Variants in ZNF254 observed in about 807,000 individuals in gnomAD.
The protein encoded by ZNF254 is CTD-2017D11.1.
In ZNF254, 10 loss-of-function variants were observed where a neutral mutation model predicts 12.4. That is an observed-to-expected ratio of 0.80 (90% CI 0.50 to 1.36). ZNF254 has a LOEUF of 1.36. Among genes scored for constraint, ZNF254 ranks in the 40% most tolerant of loss-of-function variants. The pLI is 0.00. For synonymous variants in ZNF254, 305 were observed against 253.4 expected (o/e 1.20, Z -1.93); for missense variants, 996 against 763.9 (o/e 1.30, Z -3.58).
chr19:24,096,449 T>G (rs1369121446), intron 1 of ZNF254, among the ~76,000 whole-genome samples: 2 of 152,212 alleles, frequency 1.3e-5, no homozygotes, highest in Non-Finnish European at 2.9e-5. Context: ...TGCAGGTTGT[T>G]TAATTTTTAT....
chr19:24,098,255 A>T (rs1972787550), intron 1 of ZNF254, among the ~76,000 whole-genome samples: 1 of 152,232 alleles, frequency 6.6e-6, no homozygotes, highest in Non-Finnish European at 1.5e-5. Flanking sequence ...GATAATTATA[A>T]GTAAGCATAA....
chr19:24,077,866 A>T (rs1971713624), intron 2 of ZNF254, among the ~76,000 whole-genome samples: 1 of 152,030 alleles, frequency 6.6e-6, no homozygotes, highest in African/African-American at 2.4e-5. Context: ...ATTCTTGTGG[A>T]TTGCCAAGTT....
chr19:24,076,995 T>A (rs530917099), intron 2 of ZNF254, among the ~76,000 whole-genome samples: 1 of 152,316 alleles, frequency 6.6e-6, no homozygotes, highest in East Asian at 1.9e-4. Flanking sequence ...AGTGAATAGA[T>A]GACAGACAGA....
chr19:24,060,809 C>A (rs1452267986), intron 2 of ZNF254, among the ~76,000 whole-genome samples: 1 of 152,190 alleles, frequency 6.6e-6, no homozygotes, highest in Non-Finnish European at 1.5e-5. Flanking sequence ...TGATATGACT[C>A]CTTTCTTTTG....
intron 2 of ZNF254, chr19:24,049,362 A>G (rs941873808): frequency 2.0e-5 from 3 of 151,460 alleles, no homozygotes; most frequent in Non-Finnish European, 2.9e-5. Flanking sequence ...ATGCACCACC[A>G]TGCACAATCT....
intron 3 of ZNF254, chr19:24,107,434 A>G (rs946832707): frequency 5.2e-6 from 2 of 387,450 alleles, no homozygotes; most frequent in East Asian, 3.9e-5. Context: ...TTGTTCTAAA[A>G]TTGAGTATTT....
intron 2 of ZNF254, among the ~76,000 whole-genome samples, chr19:24,074,350 T>G (rs530496158): frequency 6.6e-6 from 1 of 152,234 alleles, no homozygotes; most frequent in African/African-American, 2.4e-5. Flanking sequence ...GACATACTGC[T>G]GGGCTAAACA....
chr19:24,077,466 C>T (rs888696451), intron 2 of ZNF254, among the ~76,000 whole-genome samples: 4 of 152,198 alleles, frequency 2.6e-5, no homozygotes, highest in African/African-American at 9.6e-5. Context: ...TTATCCACCA[C>T]CATTGCAGGG....
At chr19:24,120,357 A>T (rs1268734064) in intron 3 of ZNF254, among the ~76,000 whole-genome samples, 1 of 152,114 alleles carries the variant, frequency 6.6e-6, no homozygotes, top group Non-Finnish European at 1.5e-5. Context: ...AACATCTAAA[A>T]CTTAAAAATA....
chr19:24,051,817 G>A (rs1290231451), intron 2 of ZNF254, among the ~76,000 whole-genome samples: 2 of 152,160 alleles, frequency 1.3e-5, no homozygotes, highest in Non-Finnish European at 2.9e-5. Context: ...CCAGCACATA[G>A]GTGATGTGAC....
intron 3 of ZNF254, among the ~76,000 whole-genome samples, chr19:24,117,775 C>T (rs1018224868): frequency 3.9e-5 from 6 of 151,974 alleles, no homozygotes; most frequent in Non-Finnish European, 5.9e-5. Context: ...AGAAATCACC[C>T]GTCTTCTGCA....
At chr19:24,051,532 G>A (rs1350347695) in intron 2 of ZNF254, among the ~76,000 whole-genome samples, 2 of 152,178 alleles carry the variant, frequency 1.3e-5, no homozygotes, top group African/African-American at 4.8e-5. Flanking sequence ...TCCGGGTGAT[G>A]TGACTCTGCT....
At chr19:24,094,853 AT>A (rs1214814741) in intron 1 of ZNF254, among the ~76,000 whole-genome samples, 1 of 151,888 alleles carries the variant, frequency 6.6e-6, no homozygotes, top group African/African-American at 2.4e-5. Context: ...CACCTGGCTA[AT>A]TTTTATATTT....
At position 24,051,524 on chromosome 19, in the gene ZNF254, C is replaced by T. The variant is rs189663990; in HGVS notation, c.-94+5245C>T. ...GTGATATATTGCTGGGCCCAGAATC[C>T]GGGTGATGTGACTCTGCTGTTTCAT... On this transcript the variant is annotated intron_variant, in intron 2 of 4. Transcript: ENST00000613065. Among the ~76,000 whole-genome samples the T allele has an allele frequency of 1.7e-4, 26 of 152,186 alleles. No homozygotes were observed. In the East Asian group the frequency reaches 4.1e-3, roughly 24 times the overall value.
At chr19:24,086,681 TAGTC>T (rs1173208487), upstream of ZNF254, among the ~76,000 whole-genome samples, 2 of 151,988 alleles carry the variant, frequency 1.3e-5, no homozygotes, top group Non-Finnish European at 2.9e-5. Context: ...TTCACCATGA[TAGTC>T]AGGCTGGTCT....
chr19:24,128,773 T>TA lies in ZNF254; in HGVS notation c.*794dup, dbSNP rs1263833274. The TA allele has an allele frequency of 6.6e-6, 1 of 152,070 alleles. No homozygotes were observed. Among genetic ancestry groups the TA allele is most frequent in the Non-Finnish European group, 1.5e-5 (1 of 67,938 alleles). The allele number at this position is 152,070 out of a possible 1,614,324, so 9.4% of individuals were successfully genotyped here. On this transcript the variant is annotated 3_prime_UTR_variant, in exon 4 of 4. Transcript: ENST00000357002. ...TCTAGGGCATTCAAGCTTTAGACAT[T>TA]ACACTAAATCAGAGTGCTGAGTATA...
chr19:24,125,196 TTTG>T, intron 3 of ZNF254, among the ~76,000 whole-genome samples: 1 of 151,936 alleles, frequency 6.6e-6, no homozygotes, highest in South Asian at 2.1e-4. Context: ...TTCTAGTTTG[TTTG>T]TTGAGCTTTT....
At position 24,126,957 on chromosome 19, in the gene ZNF254, G is replaced by T; in HGVS notation, c.957G>T (p.Lys319Asn). Residue 319 changes from lysine to asparagine, a missense_variant, in exon 4 of 4, where the codon AAG becomes AAT. Coordinates refer to ENST00000357002, the MANE Select transcript of ZNF254 (RefSeq NM_203282.4). ...AGCATAAGAAAATTCATACTAGAAA[G>T]AAACCCTACAAGTGTGAAGAATGTG... is the stretch of plus-strand genomic sequence containing the variant. ...LTEHKKIHTR[K>N]KPYKCEECGK... 1.9e-6 allele frequency: 3 copies of T among 1,613,542 alleles called. No individual in the cohort carries two copies. Among genetic ancestry groups the T allele is most frequent in the Non-Finnish European group, 2.5e-6 (3 of 1,179,766 alleles).
chr19:24,078,555 C>T (rs1178059320), intron 2 of ZNF254: 2 of 152,196 alleles, frequency 1.3e-5, no homozygotes, highest in Admixed American at 6.5e-5. Context: ...TGGCTATCCT[C>T]AATATCTGAC....
Sources: allele counts gnomAD v4.1 joint callset (sites outside exome capture counted in the v4.1 genomes callset), GRCh38; gene constraint gnomAD v4.1.1; transcripts MANE v1.5; gene names NCBI Gene and HGNC (gene_info 2026-07-23, HGNC 2026-07-21).